Variants in DLGAP1 observed in about 807,000 individuals in gnomAD.
DLGAP1 encodes DLG associated protein 1.
Under a neutral mutation model 90.8 loss-of-function variants are expected in DLGAP1, and 11 were observed. The ratio of observed to expected loss-of-function variants is 0.12; its 90% CI spans 0.08 to 0.20. The LOEUF is 0.20. Among genes scored for constraint, DLGAP1 ranks in the 10% least tolerant of loss-of-function variants. DLGAP1 has a pLI of 1.00. For missense variants in DLGAP1, 1,050 were observed against 1,333.8 expected (o/e 0.79, Z 3.31); for synonymous variants, 558 against 540.7 (o/e 1.03, Z -0.44).
chr18:4,138,000 T>C (rs1200114527), intron 2 of DLGAP1, among the ~76,000 whole-genome samples: 1 of 152,086 alleles, frequency 6.6e-6, no homozygotes, highest in Admixed American at 6.6e-5. Context: ...GTTGTAATAG[T>C]TTTTTGGAGG....
chr18:4,114,465 C>T (rs906397754), intron 2 of DLGAP1, among the ~76,000 whole-genome samples: 3 of 152,184 alleles, frequency 2.0e-5, no homozygotes, highest in African/African-American at 7.2e-5. Flanking sequence ...ATTTTGTATC[C>T]TGAAACTTCA....
At chr18:4,058,053 A>G (rs935618549) in intron 2 of DLGAP1, among the ~76,000 whole-genome samples, 1 of 152,216 alleles carries the variant, frequency 6.6e-6, no homozygotes, top group Non-Finnish European at 1.5e-5. Flanking sequence ...CCTCTGGGAC[A>G]GGAGGCTTAT....
At chr18:3,984,966 A>T (rs2073813359) in intron 3 of DLGAP1, among the ~76,000 whole-genome samples, 2 of 152,140 alleles carry the variant, frequency 1.3e-5, no homozygotes, top group Non-Finnish European at 2.9e-5. Context: ...GTATTCACTC[A>T]GTGAGGAGCT....
chr18:3,556,201 A>G (rs2053739069), intron 9 of DLGAP1, among the ~76,000 whole-genome samples: 1 of 152,152 alleles, frequency 6.6e-6, no homozygotes, highest in Non-Finnish European at 1.5e-5. Context: ...GAACTCCCAT[A>G]CACCCCTTCC....
At chr18:3,926,421 TACACAC>T (rs1333605478) in intron 3 of DLGAP1, among the ~76,000 whole-genome samples, 2 of 129,620 alleles carry the variant, frequency 1.5e-5, no homozygotes, top group Non-Finnish European at 3.3e-5. Flanking sequence ...TATATATATA[TACACAC>T]ACACACACAC....
At position 3,499,346 on chromosome 18, in the gene DLGAP1, C is replaced by T. The variant is rs1356514263; in HGVS notation, c.2773G>A (p.Ala925Thr). ...AGCGAGCGCTCCCGGATCAGCGGCG[C>T]GGGGCCCTTCGCCGGCTTCTTTGGC... ...PVPKKPAKGP[A>T]PLIRERSLES... is the part of the protein sequence containing the mutation. Residue 925 changes from alanine to threonine, a missense_variant, in exon 13 of 13, where the codon GCG (alanine) becomes ACG (threonine). This residue lies in a region of DLGAP1 where 565 missense variants were observed against 879.7 expected (regional missense o/e 0.64). Coordinates refer to ENST00000315677, the MANE Select transcript of DLGAP1 (RefSeq NM_004746.4). The surrounding 1 kb of genome is among the most constrained non-coding windows in gnomAD (Gnocchi z 6.4). The T allele has an allele frequency of 1.9e-6, 3 of 1,554,952 alleles. No homozygotes were observed. The highest frequency in any genetic ancestry group is 2.6e-6 in the Non-Finnish European group (3 of 1,150,250).
chr18:4,127,294 A>G (rs2144168481), intron 2 of DLGAP1, among the ~76,000 whole-genome samples: 1 of 152,288 alleles, frequency 6.6e-6, no homozygotes, highest in African/African-American at 2.4e-5. Flanking sequence ...ACACTTTTAA[A>G]AGAATAACTA....
At position 3,720,888 on chromosome 18, in the gene DLGAP1, C is replaced by CAAAAAAAAAAAAAAAAAAAAAAAAAA. The variant is rs1186426563; in HGVS notation, c.1591+8246_1591+8247insTTTTTTTTTTTTTTTTTTTTTTTTTT. Among the ~76,000 whole-genome samples, 25 of 50,310 alleles carry CAAAAAAAAAAAAAAAAAAAAAAAAAA rather than the reference C, an allele frequency of 5.0e-4. 1 individual carries two copies. The highest frequency in any genetic ancestry group is 1.6e-3 in the African/African-American group (20 of 12,492). The allele number at this position is 50,310 out of a possible 152,430, so 33.0% of individuals were successfully genotyped here. On this transcript the variant is annotated intron_variant, in intron 7 of 12. Coordinates refer to ENST00000315677, the MANE Select transcript of DLGAP1 (RefSeq NM_004746.4). ...GCAACATACTAAGACCTTGTCTCTA[C>CAAAAAAAAAAAAAAAAAAAAAAAAAA]AAAAAAAAAAAAAAAAAAAAATTAG...
intron 8 of DLGAP1, among the ~76,000 whole-genome samples, chr18:3,570,176 C>A (rs1175962583): frequency 6.6e-6 from 1 of 151,966 alleles, no homozygotes; most frequent in Non-Finnish European, 1.5e-5. Context: ...CCTAATAACA[C>A]ATTTTCCCAG....
intron 10 of DLGAP1, among the ~76,000 whole-genome samples, chr18:3,525,710 T>C (rs919117248): frequency 1.3e-5 from 2 of 152,170 alleles, no homozygotes; most frequent in Non-Finnish European, 2.9e-5. Context: ...GTCCATTGCA[T>C]TTATATTTCA....
At chr18:4,424,649 G>A (rs554044083) in intron 1 of DLGAP1, among the ~76,000 whole-genome samples, 1 of 152,280 alleles carries the variant, frequency 6.6e-6, no homozygotes, top group East Asian at 1.9e-4. Context: ...ACTGTTCTCT[G>A]TGGGATTCTG....
At chr18:4,152,448 A>AT (rs565169114) in intron 1 of DLGAP1, among the ~76,000 whole-genome samples, 77 of 152,328 alleles carry the variant, frequency 5.1e-4, no homozygotes, top group South Asian at 4.6e-3. Context: ...TTATGCAGTG[A>AT]ATAGGCACAG....
At chr18:3,733,429 C>T (rs932621564) in intron 6 of DLGAP1, among the ~76,000 whole-genome samples, 5 of 152,114 alleles carry the variant, frequency 3.3e-5, no homozygotes, top group African/African-American at 4.8e-5. Flanking sequence ...AGTATTCTCT[C>T]GAGATTCTGG....
At chr18:4,240,674 C>A (rs1235183246) in intron 1 of DLGAP1, among the ~76,000 whole-genome samples, 2 of 152,052 alleles carry the variant, frequency 1.3e-5, no homozygotes, top group Non-Finnish European at 2.9e-5. Context: ...ATAATCAGAG[C>A]CTTTTGGATA....
At chr18:3,504,467 C>T (rs527421922) in intron 11 of DLGAP1, among the ~76,000 whole-genome samples, 188 of 152,246 alleles carry the variant, frequency 1.2e-3, no homozygotes, top group Non-Finnish European at 1.8e-3. Flanking sequence ...TCACTGCAAC[C>T]TCTGCCTCCC....
intron 1 of DLGAP1, among the ~76,000 whole-genome samples, chr18:4,398,543 T>A (rs952710235): frequency 6.6e-6 from 1 of 152,214 alleles, no homozygotes; most frequent in Non-Finnish European, 1.5e-5. Context: ...ATTAACTTAA[T>A]AGCTATTACA....
intron 1 of DLGAP1, among the ~76,000 whole-genome samples, chr18:4,200,794 G>A (rs2144805305): frequency 6.6e-6 from 1 of 152,038 alleles, no homozygotes; most frequent in Non-Finnish European, 1.5e-5. Flanking sequence ...GGCAATTCTT[G>A]TCCTTAATTT....
At chr18:3,647,470 CTTT>C (rs752082348) in intron 7 of DLGAP1, among the ~76,000 whole-genome samples, 1 of 142,698 alleles carries the variant, frequency 7.0e-6, no homozygotes, top group Non-Finnish European at 1.5e-5. Flanking sequence ...ATTTAAGCTC[CTTT>C]TTTTTTTTTT....
intron 1 of DLGAP1, among the ~76,000 whole-genome samples, chr18:4,223,502 C>T (rs1179056984): frequency 6.6e-6 from 1 of 152,142 alleles, no homozygotes; most frequent in African/African-American, 2.4e-5. Flanking sequence ...GTGCAAAGAT[C>T]ACAGTATCAT....
Sources: allele counts gnomAD v4.1 joint callset (sites outside exome capture counted in the v4.1 genomes callset), GRCh38; gene constraint gnomAD v4.1.1; regional missense constraint gnomAD v4.1.1; non-coding constraint Gnocchi (gnomAD v3.1); transcripts MANE v1.5; gene names NCBI Gene and HGNC (gene_info 2026-07-23, HGNC 2026-07-21).